Variants in SHTN1 observed in about 807,000 individuals in gnomAD.
The protein encoded by SHTN1 is shootin-1.
A neutral mutation model predicts 83.1 loss-of-function variants in SHTN1; 42 were observed. The observed-to-expected ratio is 0.51, with a 90% CI of 0.39 to 0.65. The LOEUF is 0.65. Among genes scored for constraint, SHTN1 ranks in the 30% least tolerant of loss-of-function variants. The pLI, the probability that SHTN1 is intolerant of heterozygous loss-of-function variation, is 0.00. For synonymous variants in SHTN1, 224 were observed against 247.7 expected (o/e 0.90, Z 0.90); for missense variants, 622 against 737.8 (o/e 0.84, Z 1.82).
intron 1 of SHTN1, among the ~76,000 whole-genome samples, chr10:117,069,394 T>G (rs1353078424): frequency 2.0e-5 from 3 of 152,114 alleles, no homozygotes; most frequent in South Asian, 4.2e-4. Flanking sequence ...GTGGCCTGGC[T>G]CTGAAGGGGA....
chr10:116,989,592 T>G (rs982521965), intron 1 of SHTN1, among the ~76,000 whole-genome samples: 15 of 152,152 alleles, frequency 9.9e-5, no homozygotes, highest in Non-Finnish European at 2.1e-4. Flanking sequence ...TTACAATCCA[T>G]ATCAGCTCAG....
intron 2 of SHTN1, among the ~76,000 whole-genome samples, chr10:117,024,862 T>G (rs1353534486): frequency 1.3e-5 from 2 of 152,146 alleles, no homozygotes; most frequent in African/African-American, 4.8e-5. Context: ...AAATGTTAAT[T>G]GTAGAATCCA....
intron 1 of SHTN1, among the ~76,000 whole-genome samples, chr10:116,983,885 C>T (rs927862989): frequency 1.3e-5 from 2 of 152,052 alleles, no homozygotes; most frequent in Admixed American, 1.3e-4. Flanking sequence ...AGGCAGAGCA[C>T]GTGTTTCAAG....
At chr10:117,029,844 TTCTC>T (rs775526943) in intron 2 of SHTN1, among the ~76,000 whole-genome samples, 7 of 148,130 alleles carry the variant, frequency 4.7e-5, no homozygotes, top group South Asian at 2.1e-4. Context: ...CTTTCTTTCT[TTCTC>T]TCTCTCTCTC....
intron 1 of SHTN1, among the ~76,000 whole-genome samples, chr10:117,088,153 A>G (rs935622327): frequency 6.6e-6 from 1 of 152,220 alleles, no homozygotes; most frequent in Non-Finnish European, 1.5e-5. Context: ...TGAATTTTGC[A>G]TTTGATTACA....
At chr10:117,033,755 T>C (rs1218011367) in intron 2 of SHTN1, among the ~76,000 whole-genome samples, 1 of 152,114 alleles carries the variant, frequency 6.6e-6, no homozygotes, top group Non-Finnish European at 1.5e-5. Context: ...ATGTTTCTGA[T>C]GACTATTGAT....
intron 1 of SHTN1, among the ~76,000 whole-genome samples, chr10:116,986,934 G>A (rs934886809): frequency 1.3e-5 from 2 of 151,850 alleles, no homozygotes; most frequent in Non-Finnish European, 2.9e-5. Flanking sequence ...TCACCATGTT[G>A]GTCAGGCTGG....
chr10:117,053,567 A>AT (rs1452379213), intron 1 of SHTN1, among the ~76,000 whole-genome samples: 1 of 152,202 alleles, frequency 6.6e-6, no homozygotes, highest in Non-Finnish European at 1.5e-5. Context: ...ATGAGATACT[A>AT]TTTCATACCC....
chr10:117,060,712 A>G (rs1242089620), intron 1 of SHTN1, among the ~76,000 whole-genome samples: 1 of 152,238 alleles, frequency 6.6e-6, no homozygotes, highest in Non-Finnish European at 1.5e-5. Flanking sequence ...AAGGAATCAA[A>G]TTTCAACCAG....
rs770432886 is a variant in SHTN1, at chr10:116,881,653, G to A, written c.*4691C>T. On this transcript the variant is annotated 3_prime_UTR_variant, in exon 17 of 17. Transcript: ENST00000355371. ...GGTGTAGAGGAATCAGCCGAAACAG[G>A]AGCATCCTCTGGATAGGGCTGTACA... 4 of 1,546,510 alleles carry A rather than the reference G, an allele frequency of 2.6e-6. No individual in the cohort carries two copies. The highest frequency in any genetic ancestry group is 1.2e-5 in the South Asian group (1 of 83,074).
At chr10:116,920,231 G>A (rs970338771) in intron 12 of SHTN1, among the ~76,000 whole-genome samples, 1 of 152,054 alleles carries the variant, frequency 6.6e-6, no homozygotes, top group African/African-American at 2.4e-5. Flanking sequence ...CCCAGAATCT[G>A]CACGGAGGCT....
At chr10:117,089,384 ACT>A (rs1053842931) in intron 1 of SHTN1, among the ~76,000 whole-genome samples, 1 of 152,174 alleles carries the variant, frequency 6.6e-6, no homozygotes, top group Non-Finnish European at 1.5e-5. Flanking sequence ...GGAACTTTGT[ACT>A]CTCTTTAAAA....
intron 1 of SHTN1, among the ~76,000 whole-genome samples, chr10:117,116,071 G>A (rs1000529487): frequency 1.3e-5 from 2 of 151,854 alleles, no homozygotes; most frequent in African/African-American, 4.8e-5. Flanking sequence ...ATAAAGATCA[G>A]AGCAGAAATG....
chr10:116,972,153 A>T (rs527308465), intron 2 of SHTN1, among the ~76,000 whole-genome samples: 2 of 152,330 alleles, frequency 1.3e-5, no homozygotes, highest in South Asian at 4.1e-4. Flanking sequence ...TCCAACATGC[A>T]GGTAGCCCAT....
intron 1 of SHTN1, among the ~76,000 whole-genome samples, chr10:117,110,185 A>T (rs1853744753): frequency 6.6e-6 from 1 of 152,224 alleles, no homozygotes; most frequent in Non-Finnish European, 1.5e-5. Context: ...GAAGCTGTCC[A>T]AGTTCATTTG....
rs144989858 is a variant in SHTN1, at chr10:117,004,284, T to C, written c.58+738A>G. Among the ~76,000 whole-genome samples the C allele has an allele frequency of 5.9e-3, 892 of 152,186 alleles. 4 individuals carry two copies. Among genetic ancestry groups the C allele is most frequent in the Middle Eastern group, 0.01 (3 of 294 alleles). On this transcript the variant is annotated intron_variant, in intron 1 of 16. Transcript: ENST00000355371. ...TGATAGGTTAGCATTTGGTTGTTGA[T>C]CTGGTTTGGTTCAGAAGTGTGGTAA... is the stretch of plus-strand genomic sequence containing the variant.
intron 7 of SHTN1, among the ~76,000 whole-genome samples, chr10:116,946,213 T>C (rs1849570659): frequency 6.7e-6 from 1 of 149,032 alleles, no homozygotes; most frequent in Non-Finnish European, 1.5e-5. Flanking sequence ...TATAAACATA[T>C]TTAACAAAAC....
At chr10:117,087,840 T>C (rs1208489271) in intron 1 of SHTN1, among the ~76,000 whole-genome samples, 1 of 152,194 alleles carries the variant, frequency 6.6e-6, no homozygotes, top group Non-Finnish European at 1.5e-5. Flanking sequence ...AAAACTTGAC[T>C]GGGTATAGTC....
At chr10:116,927,918 A>G (rs1436276360) in intron 10 of SHTN1, 27 bp from the exon 11 acceptor site, 3 of 1,611,228 alleles carry the variant, frequency 1.9e-6, no homozygotes, top group South Asian at 1.1e-5. Context: ...CATTCAGAAG[A>G]GAGCTGAAAT....
Sources: allele counts gnomAD v4.1 joint callset (sites outside exome capture counted in the v4.1 genomes callset), GRCh38; gene constraint gnomAD v4.1.1; transcripts MANE v1.5; gene names NCBI Gene and HGNC (gene_info 2026-07-23, HGNC 2026-07-21).